Variants in EYS observed in about 807,000 individuals in gnomAD.
The protein encoded by EYS is EGF-like photoreceptor maintenance factor.
Under a neutral mutation model 282.1 loss-of-function variants are expected in EYS, and 250 were observed. The observed-to-expected ratio is 0.89, with a 90% CI of 0.80 to 0.98. The LOEUF is 0.98. EYS is among the 50% of genes least tolerant of loss of function. EYS has a pLI of 0.00. For synonymous variants in EYS, 1,355 were observed against 1,282.9 expected (o/e 1.06, Z -1.20); for missense variants, 4,016 against 3,709.0 (o/e 1.08, Z -2.15).
intron 35 of EYS, among the ~76,000 whole-genome samples, chr6:63,886,549 GAAAAACA>G (rs1277696384): frequency 6.6e-6 from 1 of 152,134 alleles, no homozygotes; most frequent in East Asian, 1.9e-4. Context: ...TTCTCAAAAT[GAAAAACA>G]CTTCAGGGAA....
intron 12 of EYS, among the ~76,000 whole-genome samples, chr6:65,280,869 T>C (rs1049525178): frequency 6.9e-6 from 1 of 145,846 alleles, no homozygotes; most frequent in Non-Finnish European, 1.5e-5. Flanking sequence ...AAAAAAAATA[T>C]ATATATATAT....
At chr6:64,846,424 T>C (rs1433692833) in intron 19 of EYS, among the ~76,000 whole-genome samples, 2 of 152,226 alleles carry the variant, frequency 1.3e-5, no homozygotes, top group East Asian at 1.9e-4. Context: ...CAGATTGAGG[T>C]TGCACATTAG....
At chr6:65,024,314 C>T (rs191984284) in intron 13 of EYS, among the ~76,000 whole-genome samples, 263 of 152,142 alleles carry the variant, frequency 1.7e-3, no homozygotes, top group African/African-American at 6.2e-3. Flanking sequence ...TTAAAACACC[C>T]CAGGTACTAT....
At chr6:65,275,550 T>A (rs1210597673) in intron 12 of EYS, among the ~76,000 whole-genome samples, 1 of 152,130 alleles carries the variant, frequency 6.6e-6, no homozygotes, top group African/African-American at 2.4e-5. Context: ...CATAAGGAGT[T>A]CCCTAGGATG....
At chr6:64,777,108 G>A (rs1414016650) in intron 22 of EYS, among the ~76,000 whole-genome samples, 4 of 152,128 alleles carry the variant, frequency 2.6e-5, no homozygotes, top group East Asian at 1.9e-4. Flanking sequence ...TCACTATCAT[G>A]AGAACAAGAT....
At position 64,196,881 on chromosome 6, in the gene EYS, A is replaced by T. The variant is rs568408272; in HGVS notation, c.6424+33711T>A. Among the ~76,000 whole-genome samples, 4 of 152,144 alleles carry T rather than the reference A, an allele frequency of 2.6e-5. No homozygotes were observed. In the South Asian group the frequency reaches 8.3e-4, roughly 32 times the overall value. ...GCACATTGTGCACATGTACCCTAAA[A>T]CTTAAAGTATAATAATAATTTAAAA... On this transcript the variant is annotated intron_variant, in intron 31 of 42. Transcript: ENST00000503581.
At chr6:64,705,256 T>C (rs1167637072) in intron 22 of EYS, among the ~76,000 whole-genome samples, 1 of 152,106 alleles carries the variant, frequency 6.6e-6, no homozygotes, top group Non-Finnish European at 1.5e-5. Flanking sequence ...AATAAAATGC[T>C]TAGGAATTTA....
chr6:65,313,039 C>A (rs1486709448), intron 11 of EYS, among the ~76,000 whole-genome samples: 1 of 152,124 alleles, frequency 6.6e-6, no homozygotes, highest in Admixed American at 6.5e-5. Context: ...GGAACACCAG[C>A]AACACGGACA....
intron 29 of EYS, among the ~76,000 whole-genome samples, chr6:64,364,657 C>T: frequency 6.6e-6 from 1 of 150,796 alleles, no homozygotes; most frequent in East Asian, 2.0e-4. Flanking sequence ...TTAAGTGGAT[C>T]TTGGAATTTA....
chr6:63,863,675 C>CTTTTCTTTTCTTTTCTT (rs1772597256), intron 36 of EYS, among the ~76,000 whole-genome samples: 8 of 60,038 alleles, frequency 1.3e-4, no homozygotes, highest in African/African-American at 4.5e-4. Flanking sequence ...TTTCTTTTTT[C>CTTTTCTTTTCTTTTCTT]TTTTTTTTTT....
chr6:65,039,041 A>G (rs980342283), intron 13 of EYS, among the ~76,000 whole-genome samples: 2 of 151,332 alleles, frequency 1.3e-5, no homozygotes, highest in Admixed American at 6.6e-5. Context: ...CTAAATTATC[A>G]TTTTTTCTTT....
chr6:64,659,619 T>C (rs979214039), intron 22 of EYS, among the ~76,000 whole-genome samples: 9 of 151,976 alleles, frequency 5.9e-5, no homozygotes, highest in Non-Finnish European at 1.3e-4. Context: ...TCTAAGCAAA[T>C]AAACTAGAAA....
At chr6:64,744,520 G>A (rs1466476675) in intron 22 of EYS, among the ~76,000 whole-genome samples, 5 of 152,062 alleles carry the variant, frequency 3.3e-5, no homozygotes, top group East Asian at 1.9e-4. Context: ...ATGTCTATAC[G>A]CAACCAGTAT....
Position 63,937,306 on chromosome 6 carries a change from A to G in EYS, c.7055+47077T>C, listed in dbSNP as rs902916045. Among the ~76,000 whole-genome samples the G allele has an allele frequency of 8.2e-5, 11 of 134,032 alleles. No individual in the cohort carries two copies. The East Asian group carries it at 2.6e-3, about 31-fold the overall frequency. 87.9% of individuals were successfully genotyped at this position (134,032 alleles called of 152,430 possible). On this transcript the variant is annotated intron_variant, in intron 35 of 42. Transcript: ENST00000503581. ...GTGCTATTATCTGAAGTGATATCAGACACTGTCAAGATCCAAATTTTCTAG... is the reference window on the plus strand; with the variant it reads ...GTGCTATTATCTGAAGTGATATCAGGCACTGTCAAGATCCAAATTTTCTAG...
chr6:63,727,603 G>T (rs1768659570), intron 41 of EYS, among the ~76,000 whole-genome samples: 1 of 144,140 alleles, frequency 6.9e-6, no homozygotes, highest in Non-Finnish European at 1.5e-5. Context: ...GGGCACGGTG[G>T]CTCACTCCTG....
chr6:64,160,524 T>C (rs1775071736), intron 31 of EYS, among the ~76,000 whole-genome samples: 1 of 152,206 alleles, frequency 6.6e-6, no homozygotes, highest in Admixed American at 6.5e-5. Context: ...AGTAGGATAA[T>C]TGTTTATTCA....
intron 33 of EYS, among the ~76,000 whole-genome samples, chr6:64,003,807 T>C (rs1768209728): frequency 2.0e-5 from 3 of 152,318 alleles, no homozygotes; most frequent in African/African-American, 2.4e-5. Flanking sequence ...GTTCTTGTGA[T>C]AGTGAGTCAG....
At chr6:63,749,244 CAG>C (rs1267103700) in intron 41 of EYS, among the ~76,000 whole-genome samples, 2 of 152,118 alleles carry the variant, frequency 1.3e-5, no homozygotes, top group Admixed American at 6.6e-5. Context: ...TTGTTTACCC[CAG>C]AGTCATTCAG....
At chr6:65,402,669 TTCTTACC>T (rs1766563894) in intron 6 of EYS, 64 bp from the exon 7 acceptor site, 3 of 1,102,244 alleles carry the variant, frequency 2.7e-6, no homozygotes, top group Non-Finnish European at 4.1e-6. Flanking sequence ...AATGAATGGG[TTCTTACC>T]TGGAGAAGGG....
Sources: allele counts gnomAD v4.1 joint callset (sites outside exome capture counted in the v4.1 genomes callset), GRCh38; gene constraint gnomAD v4.1.1; transcripts MANE v1.5; gene names NCBI Gene and HGNC (gene_info 2026-07-23, HGNC 2026-07-21).